PCDHA3: variants seen among roughly 807,000 people sequenced by gnomAD.
PCDHA3 encodes protocadherin alpha 3, also known as protocadherin alpha-3.
In PCDHA3, 41 loss-of-function variants were observed where a neutral mutation model predicts 62.2. That is an observed-to-expected ratio of 0.66 (90% CI 0.51 to 0.86). PCDHA3 has a LOEUF of 0.86. Among genes scored for constraint, PCDHA3 ranks in the 40% least tolerant of loss-of-function variants. The pLI is 0.00. For missense variants in PCDHA3, 1,304 were observed against 1,241.2 expected, an observed-to-expected ratio of 1.05 and a Z score of -0.76; for synonymous variants, 640 against 555.4, an observed-to-expected ratio of 1.15 and a Z score of -2.14.
At chr5:140,851,486 C>T in intron 1 of PCDHA3, 1 of 886,580 alleles carries the variant, frequency 1.1e-6, no homozygotes, top group Non-Finnish European at 1.4e-6. Flanking sequence ...ATAAACACAG[C>T]CTTCATTTCA....
At chr5:140,965,318 C>T (rs1397101710) in intron 1 of PCDHA3, among the ~76,000 whole-genome samples, 1 of 152,104 alleles carries the variant, frequency 6.6e-6, no homozygotes, top group Non-Finnish European at 1.5e-5. Flanking sequence ...TTCTCTTTTA[C>T]TGAAGTGAAT....
chr5:140,875,355 T>C (rs909094206), intron 1 of PCDHA3: 8 of 1,446,356 alleles, frequency 5.5e-6, no homozygotes, highest in Non-Finnish European at 7.3e-6. Flanking sequence ...ATGACTGTGA[T>C]GCTGGAAAAA....
intron 1 of PCDHA3, chr5:140,823,118 A>T: frequency 6.2e-7 from 1 of 1,614,030 alleles, no homozygotes; most frequent in Non-Finnish European, 8.5e-7. Flanking sequence ...GCCGACGTGA[A>T]CGACAACGCT....
intron 1 of PCDHA3, among the ~76,000 whole-genome samples, chr5:140,963,667 T>A (rs1206076549): frequency 6.6e-6 from 1 of 152,238 alleles, no homozygotes; most frequent in Non-Finnish European, 1.5e-5. Flanking sequence ...CTATATGGCA[T>A]AGTTAAATGT....
intron 1 of PCDHA3, among the ~76,000 whole-genome samples, chr5:140,832,589 G>A (rs1234557641): frequency 2.6e-5 from 4 of 152,158 alleles, no homozygotes; most frequent in Non-Finnish European, 5.9e-5. Context: ...AGGAAGTAGA[G>A]AACTATAGCG....
At chr5:140,884,310 GGGCGTC>G (rs1301213144) in intron 1 of PCDHA3, 7 of 1,613,674 alleles carry the variant, frequency 4.3e-6, no homozygotes, top group Non-Finnish European at 5.9e-6. Flanking sequence ...GCTTCGTCGA[GGGCGTC>G]GGCAGGCGCT....
chr5:140,880,891 C>T (rs1475261918), intron 1 of PCDHA3, among the ~76,000 whole-genome samples: 2 of 151,984 alleles, frequency 1.3e-5, no homozygotes, highest in Non-Finnish European at 2.9e-5. Flanking sequence ...AATGTAGGGC[C>T]AGATAGAAAG....
intron 1 of PCDHA3, among the ~76,000 whole-genome samples, chr5:140,826,711 G>A (rs1554130645): frequency 6.6e-6 from 1 of 152,172 alleles, no homozygotes; most frequent in African/African-American, 2.4e-5. Flanking sequence ...GTGGTATTGA[G>A]AAAGAGGAAG....
At chr5:140,808,014 A>G in intron 1 of PCDHA3, 1 of 1,613,822 alleles carries the variant, frequency 6.2e-7, no homozygotes, top group Non-Finnish European at 8.5e-7. Context: ...TTGAATGGGG[A>G]CATTGTTTAT....
chr5:140,835,835 G>T (rs2150246191), intron 1 of PCDHA3: 3 of 1,612,346 alleles, frequency 1.9e-6, no homozygotes, highest in African/African-American at 1.3e-5. Context: ...ACGCGGACGC[G>T]CAGAAGAACG....
chr5:140,903,172 C>T (rs2070066511), intron 1 of PCDHA3, among the ~76,000 whole-genome samples: 1 of 152,152 alleles, frequency 6.6e-6, no homozygotes, highest in Non-Finnish European at 1.5e-5. Flanking sequence ...GGTTTACATT[C>T]CCACCAATAG....
intron 1 of PCDHA3, among the ~76,000 whole-genome samples, chr5:140,886,239 T>C (rs2060904240): frequency 6.6e-6 from 1 of 152,062 alleles, no homozygotes; most frequent in African/African-American, 2.4e-5. Flanking sequence ...ACTTCAGAAA[T>C]AAATAAAAGT....
chr5:140,848,363 A>C, intron 1 of PCDHA3: 1 of 1,078,860 alleles, frequency 9.3e-7, no homozygotes, highest in Non-Finnish European at 1.4e-6. Flanking sequence ...CCCATGGGAA[A>C]GAGGCTCAAT....
Position 140,871,493 on chromosome 5 carries a change from A to G in PCDHA3, c.2394+67902A>G, listed in dbSNP as rs968230550. 7 of 1,589,034 alleles carry G rather than the reference A, an allele frequency of 4.4e-6. No homozygotes were observed. Among genetic ancestry groups the G allele is most frequent in the Non-Finnish European group, 6.0e-6 (7 of 1,166,200 alleles). Reference sequence around the variant, plus strand: ...GAGCCAGGGTCAAATCACCCCGGACAGGTGAGTTTTCTACAGATTCCACCT... The same window carrying G: ...GAGCCAGGGTCAAATCACCCCGGACGGGTGAGTTTTCTACAGATTCCACCT... On this transcript the variant is annotated intron_variant, in intron 1 of 3. Coordinates refer to ENST00000522353, the MANE Select transcript of PCDHA3 (RefSeq NM_018906.3).
chr5:140,869,136 C>T (rs1554162510), intron 1 of PCDHA3: 5 of 1,613,054 alleles, frequency 3.1e-6, no homozygotes, highest in South Asian at 1.1e-5. Context: ...GATTGGGCAC[C>T]CCACGACTAC....
intron 1 of PCDHA3, chr5:140,836,555 A>T (rs1554136073): frequency 6.2e-7 from 1 of 1,613,750 alleles, no homozygotes; most frequent in East Asian, 2.2e-5. Context: ...TGCGGTGCTC[A>T]GCGCCGTCCT....
At chr5:140,820,889 C>T (rs2150108237) in intron 1 of PCDHA3, among the ~76,000 whole-genome samples, 4 of 151,672 alleles carry the variant, frequency 2.6e-5, no homozygotes, top group Non-Finnish European at 5.9e-5. Flanking sequence ...AGTGCAAAGA[C>T]GATTTACCAA....
intron 1 of PCDHA3, 139 bp downstream of exon 1, chr5:140,803,730 G>C: frequency 7.0e-7 from 1 of 1,431,618 alleles, no homozygotes; most frequent in Non-Finnish European, 9.4e-7. Flanking sequence ...GTGGTTTTGT[G>C]GTTAAAACGG....
chr5:140,922,647 A>G (rs568444047), intron 1 of PCDHA3, among the ~76,000 whole-genome samples: 35 of 152,262 alleles, frequency 2.3e-4, no homozygotes, highest in Non-Finnish European at 4.6e-4. Context: ...ATCAAACAGT[A>G]AATATGGCTA....
Sources: allele counts gnomAD v4.1 joint callset (sites outside exome capture counted in the v4.1 genomes callset), GRCh38; gene constraint gnomAD v4.1.1; transcripts MANE v1.5; gene names NCBI Gene and HGNC (gene_info 2026-07-23, HGNC 2026-07-21).